The following ZNF704 variants were observed in gnomAD, a reference collection of about 807,000 sequenced individuals.
ZNF704 encodes the protein glucocorticoid induced gene 1.
In ZNF704, 10 loss-of-function variants were observed where a neutral mutation model predicts 44.7. The observed-to-expected ratio is 0.22, with a 90% confidence interval of 0.14 to 0.38. ZNF704 has a LOEUF of 0.38. Among genes scored for constraint, ZNF704 ranks in the 10% least tolerant of loss-of-function variants. The probability of loss-of-function intolerance (pLI) is 1.00; values close to 1 mark genes in which losing one functional copy is unlikely to be tolerated. For missense variants in ZNF704, 390 were observed against 545.5 expected (o/e 0.71, Z 2.84); for synonymous variants, 211 against 207.6 (o/e 1.02, Z -0.14).
intron 2 of ZNF704, among the ~76,000 whole-genome samples, chr8:80,805,550 C>T (rs1039871072): frequency 4.6e-5 from 7 of 152,166 alleles, no homozygotes; most frequent in African/African-American, 1.7e-4. Flanking sequence ...AAGGAATGAA[C>T]ATACAAAACT....
intron 2 of ZNF704, among the ~76,000 whole-genome samples, chr8:80,789,205 G>C (rs1807662810): frequency 6.6e-6 from 1 of 152,118 alleles, no homozygotes; most frequent in Admixed American, 6.6e-5. Flanking sequence ...TTTGATGACA[G>C]TTTTAAAGTG....
intron 2 of ZNF704, among the ~76,000 whole-genome samples, chr8:80,720,083 T>G (rs1327900874): frequency 6.6e-6 from 1 of 152,248 alleles, no homozygotes; most frequent in African/African-American, 2.4e-5. Flanking sequence ...TCTGTCTGCC[T>G]GCCTCTAAAA....
intron 5 of ZNF704, among the ~76,000 whole-genome samples, chr8:80,670,157 C>T (rs1233265440): frequency 2.0e-5 from 3 of 152,170 alleles, no homozygotes; most frequent in African/African-American, 7.2e-5. Context: ...GTGTTTTGTA[C>T]TTTAAAGTCT....
intron 2 of ZNF704, among the ~76,000 whole-genome samples, chr8:80,802,765 T>C (rs1237857457): frequency 3.3e-5 from 5 of 152,134 alleles, no homozygotes; most frequent in African/African-American, 1.2e-4. Flanking sequence ...AAGCATCCCC[T>C]TGAAAACCAA....
intron 2 of ZNF704, among the ~76,000 whole-genome samples, chr8:80,707,194 T>C (rs1452370659): frequency 6.6e-6 from 1 of 152,228 alleles, no homozygotes; most frequent in Non-Finnish European, 1.5e-5. Context: ...TACTACACAC[T>C]AATGCTGTTT....
chr8:80,779,026 G>C (rs962189877), intron 2 of ZNF704, among the ~76,000 whole-genome samples: 1 of 151,662 alleles, frequency 6.6e-6, no homozygotes, highest in Non-Finnish European at 1.5e-5. Context: ...AAAAAAAAAG[G>C]GATCACCCAT....
At chr8:80,661,611 TA>T (rs1461038511) in intron 6 of ZNF704, among the ~76,000 whole-genome samples, 1 of 152,116 alleles carries the variant, frequency 6.6e-6, no homozygotes, top group Non-Finnish European at 1.5e-5. Flanking sequence ...ATTCAGCCAT[TA>T]AAAAGAATGA....
chr8:80,865,525 T>C (rs1479436332), intron 1 of ZNF704, among the ~76,000 whole-genome samples: 6 of 152,226 alleles, frequency 3.9e-5, no homozygotes, highest in Admixed American at 3.9e-4. Flanking sequence ...AATTATCCTT[T>C]CTGCAGGTTT....
chr8:80,656,912 A>G (rs1394157646), intron 7 of ZNF704, among the ~76,000 whole-genome samples: 2 of 152,184 alleles, frequency 1.3e-5, no homozygotes, highest in Non-Finnish European at 2.9e-5. Flanking sequence ...GTTTGGACAC[A>G]ATTGAAGCCA....
intron 2 of ZNF704, among the ~76,000 whole-genome samples, chr8:80,751,577 C>G (rs754004101): frequency 2.0e-5 from 3 of 152,106 alleles, no homozygotes; most frequent in Non-Finnish European, 4.4e-5. Flanking sequence ...TAATTCCCAG[C>G]AGCTGTTTCT....
chr8:80,787,983 T>C lies in ZNF704; in HGVS notation c.221+33391A>G, dbSNP rs1303174593. ...CCATTATGATTTAGCCGGTTCCTAC[T>C]TTCCCATATTAGCAGGATTTCAAGC... On this transcript the variant is annotated intron_variant, in intron 2 of 8. Coordinates refer to ENST00000327835, the MANE Select transcript of ZNF704 (RefSeq NM_001033723.3). Among the ~76,000 whole-genome samples, 3 of 152,322 alleles carry C rather than the reference T, an allele frequency of 2.0e-5. No individual in the cohort carries two copies. In the East Asian group the frequency reaches 5.8e-4, roughly 29 times the overall value.
At chr8:80,804,333 C>T (rs1807950800) in intron 2 of ZNF704, among the ~76,000 whole-genome samples, 1 of 152,146 alleles carries the variant, frequency 6.6e-6, no homozygotes, top group African/African-American at 2.4e-5. Context: ...GGTATATACT[C>T]AAGGGAATAT....
At chr8:80,813,930 T>C (rs1808133596) in intron 2 of ZNF704, among the ~76,000 whole-genome samples, 2 of 152,254 alleles carry the variant, frequency 1.3e-5, no homozygotes, top group South Asian at 4.1e-4. Flanking sequence ...TTACTAGGGT[T>C]AGTACAAGAA....
intron 1 of ZNF704, among the ~76,000 whole-genome samples, chr8:80,834,288 A>C (rs1426069825): frequency 6.6e-6 from 1 of 152,214 alleles, no homozygotes; most frequent in African/African-American, 2.4e-5. Flanking sequence ...GTTACAAAAA[A>C]AAGTGAGTCA....
chr8:80,874,254 C>G lies in ZNF704; in HGVS notation c.-22+317G>C, dbSNP rs1226216984. ...GGCCGGCGGGGACGCCGGCGGCCGG[C>G]GGCTACGGCGGGGCGGCGCGGCGGC... is the stretch of plus-strand genomic sequence containing the variant. On this transcript the variant is annotated intron_variant, in intron 1 of 8. Coordinates refer to ENST00000327835, the MANE Select transcript of ZNF704 (RefSeq NM_001033723.3). The surrounding 1 kb of genome is among the most constrained non-coding windows in gnomAD (Gnocchi z 4.4). 6.9e-6 allele frequency among the ~76,000 whole-genome samples: 1 copy of G among 144,856 alleles called. No individual in the cohort carries two copies. Among genetic ancestry groups the G allele is most frequent in the African/African-American group, 2.5e-5 (1 of 40,462 alleles).
At chr8:80,670,684 T>A (rs969838585) in intron 4 of ZNF704, 81 bp from the exon 5 acceptor site, 130 of 1,039,508 alleles carry the variant, frequency 1.3e-4, no homozygotes, top group Non-Finnish European at 1.8e-4. Context: ...CATATTTTTT[T>A]CCTTCATTAG....
At chr8:80,693,159 G>T in intron 2 of ZNF704, 52 bp from the exon 3 acceptor site, 1 of 1,497,500 alleles carries the variant, frequency 6.7e-7, no homozygotes, top group Non-Finnish European at 9.3e-7. Flanking sequence ...TCTGCTGTGG[G>T]CCACACAAGG....
chr8:80,825,801 C>T (rs1011651528), intron 1 of ZNF704, among the ~76,000 whole-genome samples: 5 of 152,288 alleles, frequency 3.3e-5, no homozygotes, highest in African/African-American at 1.2e-4. Flanking sequence ...TACATGGAAA[C>T]TGAACACCCT....
intron 4 of ZNF704, among the ~76,000 whole-genome samples, chr8:80,684,448 T>G (rs1039672366): frequency 6.6e-6 from 1 of 152,126 alleles, no homozygotes; most frequent in Non-Finnish European, 1.5e-5. Context: ...AGACGTGCAG[T>G]TGGAAAAAAC....
Sources: gnomAD v4.1 joint callset for allele counts (sites outside exome capture counted in the v4.1 genomes callset) on GRCh38, gnomAD v4.1.1 for gene constraint, Gnocchi (gnomAD v3.1) non-coding constraint, MANE v1.5 for transcripts, NCBI Gene and HGNC (gene_info 2026-07-23, HGNC 2026-07-21) for gene names.